The following AASS variants were observed in gnomAD, a reference collection of about 807,000 sequenced individuals.
The protein encoded by AASS is alpha-aminoadipic semialdehyde synthase, mitochondrial.
A neutral mutation model predicts 105.4 loss-of-function variants in AASS; 86 were observed. The ratio of observed to expected loss-of-function variants is 0.82; its 90% CI spans 0.69 to 0.98. The LOEUF (loss-of-function observed/expected upper bound fraction) is 0.98, where lower values mean the gene tolerates loss of function less well. AASS is among the 50% of genes least tolerant of loss of function. AASS has a pLI of 0.00. For synonymous variants in AASS, 381 were observed against 394.8 expected, an observed-to-expected ratio of 0.96 and a Z score of 0.41; for missense variants, 1,048 against 1,143.2, an observed-to-expected ratio of 0.92 and a Z score of 1.20.
intron 2 of AASS, 122 bp downstream of exon 2, chr7:122,133,395 C>CT: frequency 8.9e-7 from 1 of 1,129,356 alleles, no homozygotes; most frequent in East Asian, 2.5e-5. Flanking sequence ...GAAAATAATA[C>CT]TTTTAATCAA....
intron 1 of AASS, 24 bp downstream of exon 1, chr7:122,144,137 C>T (rs1796528779): frequency 6.6e-6 from 1 of 152,466 alleles, no homozygotes; most frequent in South Asian, 2.1e-4. Context: ...CTCAGCTCTC[C>T]GCGGGGACCT....
At chr7:122,084,835 C>A (rs1328658222) in intron 19 of AASS, among the ~76,000 whole-genome samples, 11 of 151,928 alleles carry the variant, frequency 7.2e-5, no homozygotes, top group African/African-American at 2.4e-4. Context: ...ACACATGAGA[C>A]AAATCCCCTC....
intron 21 of AASS, chr7:122,079,216 T>C: frequency 7.2e-7 from 1 of 1,383,974 alleles, no homozygotes; most frequent in Non-Finnish European, 9.3e-7. Flanking sequence ...CAAAGATCTT[T>C]ATGAGATTAA....
chr7:122,125,384 C>T (rs371394719), intron 4 of AASS, among the ~76,000 whole-genome samples: 2 of 152,118 alleles, frequency 1.3e-5, no homozygotes, highest in Non-Finnish European at 2.9e-5. Flanking sequence ...AGAAACAGCA[C>T]ATGAACATAA....
chr7:122,100,923 T>C (rs530497695), intron 13 of AASS, among the ~76,000 whole-genome samples: 31 of 151,824 alleles, frequency 2.0e-4, no homozygotes, highest in Non-Finnish European at 3.4e-4. Context: ...CTCTCTTAAT[T>C]TGTAACCACG....
chr7:122,081,464 A>C, intron 20 of AASS, 36 bp downstream of exon 20: 1 of 1,493,464 alleles, frequency 6.7e-7, no homozygotes, highest in Non-Finnish European at 9.3e-7. Flanking sequence ...GTATTTCTGA[A>C]AAGGAGCAGA....
chr7:122,137,855 T>C (rs1584905820), intron 1 of AASS, among the ~76,000 whole-genome samples: 1 of 152,114 alleles, frequency 6.6e-6, no homozygotes, highest in African/African-American at 2.4e-5. Context: ...GGAGGGAAGA[T>C]CAGGGTTTAC....
intron 11 of AASS, among the ~76,000 whole-genome samples, chr7:122,112,451 T>G (rs1452896195): frequency 6.6e-6 from 1 of 152,174 alleles, no homozygotes; most frequent in Non-Finnish European, 1.5e-5. Context: ...CACTAACTAT[T>G]GTTCTATTTT....
chr7:122,121,391 T>C (rs899940218), intron 4 of AASS, among the ~76,000 whole-genome samples: 8 of 152,174 alleles, frequency 5.3e-5, no homozygotes, highest in Non-Finnish European at 1.2e-4. Flanking sequence ...AATTATCTTT[T>C]AAAGAATTTT....
chr7:122,143,348 TC>T (rs540666547), intron 1 of AASS, among the ~76,000 whole-genome samples: 127 of 150,266 alleles, frequency 8.5e-4, no homozygotes, highest in South Asian at 3.4e-3. Context: ...TCTCTTCCGC[TC>T]CCCCCACCCC....
At chr7:122,078,291 C>A (rs1793126507) in intron 22 of AASS, among the ~76,000 whole-genome samples, 1 of 151,902 alleles carries the variant, frequency 6.6e-6, no homozygotes, top group Admixed American at 6.6e-5. Flanking sequence ...TCCAAAAATG[C>A]TTCTTTGGCA....
At chr7:122,135,673 C>A (rs1249606674) in intron 1 of AASS, among the ~76,000 whole-genome samples, 3 of 152,130 alleles carry the variant, frequency 2.0e-5, no homozygotes, top group Non-Finnish European at 2.9e-5. Flanking sequence ...AGTGTCTTGT[C>A]CCCCTAGTCC....
chr7:122,141,083 C>A (rs927651886), intron 1 of AASS, among the ~76,000 whole-genome samples: 1 of 152,130 alleles, frequency 6.6e-6, no homozygotes, highest in Admixed American at 6.5e-5. Flanking sequence ...CAAATCCCTC[C>A]CAATTTCAAG....
At chr7:122,085,091 G>A (rs1793559263) in intron 19 of AASS, among the ~76,000 whole-genome samples, 1 of 152,202 alleles carries the variant, frequency 6.6e-6, no homozygotes, top group East Asian at 1.9e-4. Flanking sequence ...AATGACTAGT[G>A]CCCTAATAAG....
At chr7:122,143,572 C>T (rs1383328480) in intron 1 of AASS, among the ~76,000 whole-genome samples, 1 of 151,616 alleles carries the variant, frequency 6.6e-6, no homozygotes, top group Non-Finnish European at 1.5e-5. Flanking sequence ...TTCCACCCAT[C>T]TCCGATCCTT....
chr7:122,141,590 AAAACAAAC>A (rs1013040386), intron 1 of AASS, among the ~76,000 whole-genome samples: 1 of 151,570 alleles, frequency 6.6e-6, no homozygotes, highest in Admixed American at 6.6e-5. Flanking sequence ...ATGCAGCAAG[AAAACAAAC>A]AAACAAACAA....
At chr7:122,108,169 A>G (rs528052034) in intron 11 of AASS, among the ~76,000 whole-genome samples, 3 of 152,212 alleles carry the variant, frequency 2.0e-5, no homozygotes, top group Admixed American at 1.3e-4. Flanking sequence ...AGCAAGATTG[A>G]ATCAGTAATA....
At chr7:122,132,338 G>GT (rs1406048403) in intron 2 of AASS, among the ~76,000 whole-genome samples, 1 of 152,178 alleles carries the variant, frequency 6.6e-6, no homozygotes, top group Non-Finnish European at 1.5e-5. Flanking sequence ...AAAGAAGAAT[G>GT]TCAGCAAACA....
intron 1 of AASS, among the ~76,000 whole-genome samples, chr7:122,138,157 C>T (rs1375261801): frequency 6.6e-6 from 1 of 152,028 alleles, no homozygotes; most frequent in African/African-American, 2.4e-5. Flanking sequence ...AACAGAACAC[C>T]ACTAAGGTAT....
Sources: allele counts gnomAD v4.1 joint callset (sites outside exome capture counted in the v4.1 genomes callset), GRCh38; gene constraint gnomAD v4.1.1; transcripts MANE v1.5; gene names NCBI Gene and HGNC (gene_info 2026-07-23, HGNC 2026-07-21).